NEDD4: variants seen among roughly 807,000 people sequenced by gnomAD.
The protein encoded by NEDD4 is E3 ubiquitin-protein ligase NEDD4.
In NEDD4, 99 loss-of-function variants were observed where a neutral mutation model predicts 144.9. The observed-to-expected ratio is 0.68, with a 90% CI of 0.58 to 0.81. The LOEUF is 0.81. Among genes scored for constraint, NEDD4 ranks in the 30% least tolerant of loss-of-function variants. The pLI, the probability that NEDD4 is intolerant of heterozygous loss-of-function variation, is 0.00. For synonymous variants in NEDD4, 318 were observed against 350.6 expected (o/e 0.91, Z 1.04); for missense variants, 985 against 1,065.9 (o/e 0.92, Z 1.06).
intron 11 of NEDD4, among the ~76,000 whole-genome samples, chr15:55,857,549 C>G (rs758203163): frequency 6.6e-6 from 1 of 152,134 alleles, no homozygotes; most frequent in Non-Finnish European, 1.5e-5. Context: ...TCTCGAACTC[C>G]TAACCTCATG....
At chr15:55,843,558 G>A (rs1045943060) in intron 18 of NEDD4, among the ~76,000 whole-genome samples, 1 of 151,962 alleles carries the variant, frequency 6.6e-6, no homozygotes, top group Non-Finnish European at 1.5e-5. Flanking sequence ...AATTTCCAGG[G>A]GAAACCAGTA....
intron 13 of NEDD4, among the ~76,000 whole-genome samples, 199 bp downstream of exon 13, chr15:55,852,225 G>A (rs1472731889): frequency 6.6e-6 from 1 of 151,886 alleles, no homozygotes; most frequent in Non-Finnish European, 1.5e-5. Context: ...GAACCCAGGA[G>A]GCAGAGGTGC....
chr15:55,861,900 G>T (rs1276165565), intron 9 of NEDD4, among the ~76,000 whole-genome samples: 1 of 152,068 alleles, frequency 6.6e-6, no homozygotes, highest in Non-Finnish European at 1.5e-5. Context: ...TTTGATACAT[G>T]GCTCTAAGGG....
chr15:55,983,870 G>A (rs1252059985), intron 1 of NEDD4, among the ~76,000 whole-genome samples: 8 of 151,926 alleles, frequency 5.3e-5, no homozygotes, highest in African/African-American at 1.7e-4. Flanking sequence ...CTCAGCCTCC[G>A]AAAGTGCTGG....
In NEDD4 at chr15:55,834,240, T is replaced by C; in HGVS notation, c.2309A>G (p.Glu770Gly). 1 of 1,610,634 alleles carries C rather than the reference T, an allele frequency of 6.2e-7. No individual in the cohort carries two copies. Among genetic ancestry groups the C allele is most frequent in the Non-Finnish European group, 8.5e-7 (1 of 1,177,030 alleles). Reference protein sequence around the residue: ...IPQDLIKIFDENELELLMCGL... With the variant: ...IPQDLIKIFDGNELELLMCGL... ...GTTATGTCTTACCTCTAGTTCATTTTCATCAAAAATTTTGATGAGATCCTG... is the reference window on the plus strand; with the variant it reads ...GTTATGTCTTACCTCTAGTTCATTTCCATCAAAAATTTTGATGAGATCCTG... The change falls in exon 25 of 29, where the codon GAA becomes GGA. Residue 770 changes from glutamate (E) to glycine (G), a missense_variant. Coordinates refer to ENST00000435532, the MANE Select transcript of NEDD4 (RefSeq NM_006154.4).
At chr15:55,837,898 G>A (rs1595728210) in intron 23 of NEDD4, 49 bp from the exon 24 acceptor site, 2 of 1,450,906 alleles carry the variant, frequency 1.4e-6, no homozygotes, top group East Asian at 4.6e-5. Flanking sequence ...ACAAAATTCT[G>A]AGGCACAATT....
At chr15:55,835,722 CA>C (rs1210218649) in intron 24 of NEDD4, among the ~76,000 whole-genome samples, 4 of 152,162 alleles carry the variant, frequency 2.6e-5, no homozygotes, top group Non-Finnish European at 5.9e-5. Flanking sequence ...TCAACTCCCT[CA>C]CCATTCCCTT....
At chr15:55,970,812 A>C (rs2037594160) in intron 1 of NEDD4, among the ~76,000 whole-genome samples, 1 of 152,228 alleles carries the variant, frequency 6.6e-6, no homozygotes, top group South Asian at 2.1e-4. Context: ...CTTCTCAAGA[A>C]GGATGGGTAC....
intron 1 of NEDD4, among the ~76,000 whole-genome samples, chr15:55,982,838 A>G (rs1481008003): frequency 1.3e-5 from 2 of 152,092 alleles, no homozygotes; most frequent in Non-Finnish European, 2.9e-5. Flanking sequence ...AATAAATTCT[A>G]GGGCTGGGGG....
At chr15:55,916,340 GC>G (rs2036443035) in intron 5 of NEDD4, 1 of 1,613,852 alleles carries the variant, frequency 6.2e-7, no homozygotes, top group African/African-American at 1.3e-5. Context: ...CACTACCGTT[GC>G]TGCTGTAAGA....
chr15:55,916,928 AATC>A, intron 5 of NEDD4: 1 of 1,502,090 alleles, frequency 6.7e-7, no homozygotes, highest in Non-Finnish European at 8.9e-7. Context: ...CAAAAGAAAA[AATC>A]ATTTGTGGTG....
At chr15:55,884,582 T>C (rs1177866976) in intron 5 of NEDD4, among the ~76,000 whole-genome samples, 1 of 152,052 alleles carries the variant, frequency 6.6e-6, no homozygotes, top group East Asian at 1.9e-4. Context: ...TCCTGTCAGA[T>C]AAATTTAACA....
chr15:55,975,911 G>A (rs1463302886), intron 1 of NEDD4, among the ~76,000 whole-genome samples: 1 of 152,100 alleles, frequency 6.6e-6, no homozygotes, highest in African/African-American at 2.4e-5. Context: ...AACACAACAT[G>A]GTATTGGCAT....
intron 1 of NEDD4, among the ~76,000 whole-genome samples, chr15:55,974,891 CTTTTTTTT>C (rs56285555): frequency 4.0e-5 from 3 of 75,698 alleles, no homozygotes; most frequent in African/African-American, 1.0e-4. Context: ...CTTTTCCTTT[CTTTTTTTT>C]TTTTTTTTTT....
intron 2 of NEDD4, among the ~76,000 whole-genome samples, chr15:55,955,290 T>C (rs2037317904): frequency 6.6e-6 from 1 of 152,096 alleles, no homozygotes; most frequent in Non-Finnish European, 1.5e-5. Context: ...CCCAAAGTGG[T>C]GTGATTATAG....
chr15:55,831,637 TAG>T (rs2032955593), intron 27 of NEDD4, among the ~76,000 whole-genome samples: 1 of 152,152 alleles, frequency 6.6e-6, no homozygotes, highest in Non-Finnish European at 1.5e-5. Context: ...TTACTCTAGG[TAG>T]AGAGGTAGCA....
At chr15:55,839,217 C>CA (rs1381811900) in intron 21 of NEDD4, among the ~76,000 whole-genome samples, 1 of 151,728 alleles carries the variant, frequency 6.6e-6, no homozygotes, top group Admixed American at 6.6e-5. Context: ...TTTGTAGAGA[C>CA]AGAGTATCAC....
chr15:55,841,567 A>G (rs994293142), intron 19 of NEDD4, among the ~76,000 whole-genome samples: 4 of 152,106 alleles, frequency 2.6e-5, no homozygotes, highest in Non-Finnish European at 5.9e-5. Context: ...TCTAAATTGT[A>G]TATTTAAAAT....
At chr15:55,857,537 G>C (rs1411409498) in intron 11 of NEDD4, among the ~76,000 whole-genome samples, 1 of 151,994 alleles carries the variant, frequency 6.6e-6, no homozygotes, top group Non-Finnish European at 1.5e-5. Flanking sequence ...TGGCCAGGCT[G>C]GTCTCGAACT....
Sources: allele counts gnomAD v4.1 joint callset (sites outside exome capture counted in the v4.1 genomes callset), GRCh38; gene constraint gnomAD v4.1.1; transcripts MANE v1.5; gene names NCBI Gene and HGNC (gene_info 2026-07-23, HGNC 2026-07-21).